Variants in PCDHAC2 observed in about 807,000 individuals in gnomAD.
The protein encoded by PCDHAC2 is protocadherin alpha-C2.
Under a neutral mutation model 63.3 loss-of-function variants are expected in PCDHAC2, and 24 were observed. The observed-to-expected ratio is 0.38, with a 90% CI of 0.27 to 0.53. The LOEUF (loss-of-function observed/expected upper bound fraction) is 0.53. Among genes scored for constraint, PCDHAC2 ranks in the 20% least tolerant of loss-of-function variants. The pLI is 0.81. For synonymous variants in PCDHAC2, 569 were observed against 529.4 expected (o/e 1.07, Z -1.03); for missense variants, 1,181 against 1,275.2 (o/e 0.93, Z 1.12).
At chr5:140,972,132 A>C (rs1412850121) in intron 1 of PCDHAC2, among the ~76,000 whole-genome samples, 9 of 152,062 alleles carry the variant, frequency 5.9e-5, no homozygotes, top group African/African-American at 2.2e-4. Context: ...TCAGTGAGTT[A>C]CTACTATTTT....
At chr5:140,972,917 C>T (rs1279060017) in intron 1 of PCDHAC2, among the ~76,000 whole-genome samples, 1 of 152,074 alleles carries the variant, frequency 6.6e-6, no homozygotes, top group Non-Finnish European at 1.5e-5. Context: ...CCGCCTTGGC[C>T]TCCCAAAGTG....
intron 1 of PCDHAC2, among the ~76,000 whole-genome samples, chr5:140,974,046 GATA>G (rs1554235775): frequency 6.6e-6 from 1 of 152,184 alleles, no homozygotes; most frequent in African/African-American, 2.4e-5. Context: ...TTATTAATAT[GATA>G]ATATTTGGAG....
chr5:140,999,537 C>G, intron 3 of PCDHAC2, among the ~76,000 whole-genome samples: 1 of 152,266 alleles, frequency 6.6e-6, no homozygotes, highest in Non-Finnish European at 1.5e-5. Context: ...CTGGATATGA[C>G]AGCCAATGAA....
chr5:140,972,733 G>A (rs1037610917), intron 1 of PCDHAC2, among the ~76,000 whole-genome samples: 7 of 147,652 alleles, frequency 4.7e-5, no homozygotes, highest in Non-Finnish European at 7.4e-5. Context: ...GCGTAATCCC[G>A]GCTCACTGCA....
At chr5:140,978,528 C>T (rs903940636) in intron 1 of PCDHAC2, among the ~76,000 whole-genome samples, 1 of 152,192 alleles carries the variant, frequency 6.6e-6, no homozygotes, top group Non-Finnish European at 1.5e-5. Flanking sequence ...GCCAGGCCAG[C>T]AGAACTTGTG....
chr5:140,995,544 A>T (rs2097688289), intron 3 of PCDHAC2, among the ~76,000 whole-genome samples: 1 of 152,234 alleles, frequency 6.6e-6, no homozygotes, highest in African/African-American at 2.4e-5. Context: ...ATAAGGGGCG[A>T]TCACTGTACT....
At chr5:140,979,086 G>A in intron 2 of PCDHAC2, 79 bp downstream of exon 2, 3 of 1,561,050 alleles carry the variant, frequency 1.9e-6, no homozygotes, top group South Asian at 2.4e-5. Flanking sequence ...CCATAGGCCA[G>A]AAGCAGCTGT....
intron 1 of PCDHAC2, among the ~76,000 whole-genome samples, chr5:140,971,300 A>T (rs555201828): frequency 2.0e-5 from 3 of 152,380 alleles, no homozygotes; most frequent in African/African-American, 7.2e-5. Flanking sequence ...ACTTTGGTAC[A>T]CAAACATTTA....
In PCDHAC2 at chr5:140,968,341, C is replaced by T; in HGVS notation, c.1575C>T (p.Asn525=). 1 of 1,614,132 alleles carries T rather than the reference C, an allele frequency of 6.2e-7. No individual in the cohort carries two copies. Among genetic ancestry groups the T allele is most frequent in the Non-Finnish European group, 8.5e-7 (1 of 1,180,030 alleles). The change falls in exon 1 of 4, where the codon AAC becomes AAT. Residue 525 remains asparagine, a synonymous_variant. Transcript: ENST00000289269. The stretch of plus-strand genomic sequence containing the variant: ...CAGTCACCTCCTATGTCTCCATTAA[C>T]AGTGCCAGTGGCAGCCTTTATGCTG... The part of the protein sequence containing the change: ...GLPVTSYVSI[N]SASGSLYAVN...
At position 140,972,813 on chromosome 5, in the gene PCDHAC2, G is replaced by A. The variant is rs559474622; in HGVS notation, c.2565+3482G>A. Reference sequence around the variant, plus strand: ...TGAGTAGCTGAGATTACAGGCACGCGCCACCACGCCTGGCTAATTTTTGTA... The same window carrying A: ...TGAGTAGCTGAGATTACAGGCACGCACCACCACGCCTGGCTAATTTTTGTA... On this transcript the variant is annotated intron_variant, in intron 1 of 3. Transcript: ENST00000289269. Among the ~76,000 whole-genome samples, 11 of 151,984 alleles carry A rather than the reference G, an allele frequency of 7.2e-5. No individual in the cohort carries two copies. In the East Asian group the frequency reaches 1.2e-3, roughly 16 times the overall value.
rs782304408 is a variant in PCDHAC2, at chr5:140,968,909, G to A, written c.2143G>A (p.Val715Met). The A allele has an allele frequency of 4.3e-6, 7 of 1,614,172 alleles. No individual in the cohort carries two copies. The highest frequency in any genetic ancestry group is 5.1e-6 in the Non-Finnish European group (6 of 1,180,040). The change falls in exon 1 of 4, where the codon GTG (valine) becomes ATG (methionine). Residue 715 changes from valine to methionine, a missense_variant. By Grantham distance (21) the Val-to-Met change is conservative. Transcript: ENST00000289269. ...TTATCTAATAATAGCATTAAGCACA[G>A]TGTCTTTTATATTTCTTTTGACAAT... ...TLYLIIALSTVSFIFLLTIII... is the reference protein window; with the variant it reads ...TLYLIIALSTMSFIFLLTIII...
chr5:140,973,782 C>T lies in PCDHAC2; in HGVS notation c.2565+4451C>T, dbSNP rs533593200. ...CACAGCCTGGCATATTATAGGTTGCCTATTGGCATGCTGTCTACTTGACAG... is the reference window on the plus strand; with the variant it reads ...CACAGCCTGGCATATTATAGGTTGCTTATTGGCATGCTGTCTACTTGACAG... On this transcript the variant is annotated intron_variant, in intron 1 of 3. Transcript: ENST00000289269. 1.5e-3 allele frequency among the ~76,000 whole-genome samples: 225 copies of T among 152,326 alleles called. 1 individual carries two copies. Among genetic ancestry groups the T allele is most frequent in the African/African-American group, 5.2e-3 (216 of 41,582 alleles).
chr5:140,999,797 T>C (rs2097876830), intron 3 of PCDHAC2, among the ~76,000 whole-genome samples: 1 of 152,202 alleles, frequency 6.6e-6, no homozygotes, highest in African/African-American at 2.4e-5. Context: ...CAGAGTTATT[T>C]TGGGCACAAA....
intron 3 of PCDHAC2, among the ~76,000 whole-genome samples, chr5:141,000,371 C>G (rs868969531): frequency 6.1e-5 from 3 of 49,260 alleles, no homozygotes; most frequent in Admixed American, 2.7e-4. Flanking sequence ...GTCTCTCTCT[C>G]TCTCTCTCTC....
At position 140,966,586 on chromosome 5, in the gene PCDHAC2, T is replaced by C. The variant is rs1339521044; in HGVS notation, c.-181T>C. On this transcript the variant is annotated 5_prime_UTR_variant, in exon 1 of 4. Transcript: ENST00000289269. Reference sequence around the variant, plus strand: ...GAATATGGGGAGTCAGCGAGGACGGTGGGGCCAGGAGCCCTTGGGAGGGCC... The same window carrying C: ...GAATATGGGGAGTCAGCGAGGACGGCGGGGCCAGGAGCCCTTGGGAGGGCC... 5.5e-6 allele frequency: 3 copies of C among 548,910 alleles called. No individual in the cohort carries two copies. Among genetic ancestry groups the C allele is most frequent in the Non-Finnish European group, 8.8e-6 (3 of 342,606 alleles). 34.0% of individuals were successfully genotyped at this position (548,910 alleles called of 1,614,324 possible). A position where few individuals can be genotyped will look rare whatever the true frequency, so the allele number is the denominator to read the frequency against.
chr5:140,991,152 C>A (rs533894396), intron 3 of PCDHAC2, among the ~76,000 whole-genome samples: 29 of 152,168 alleles, frequency 1.9e-4, no homozygotes, highest in Non-Finnish European at 3.2e-4. Flanking sequence ...TTTTGCTCAC[C>A]ATTGTATTCC....
chr5:141,005,701 CA>C (rs59860837), intron 3 of PCDHAC2, among the ~76,000 whole-genome samples: 201 of 7,776 alleles, frequency 0.026, no homozygotes, highest in African/African-American at 0.052. Flanking sequence ...AACTCCGTCT[CA>C]AAAAAAAAAA....
intron 1 of PCDHAC2, among the ~76,000 whole-genome samples, chr5:140,969,915 GC>G (rs1181399848): frequency 2.0e-5 from 3 of 152,192 alleles, no homozygotes; most frequent in African/African-American, 7.2e-5. Flanking sequence ...AAGTGATAAA[GC>G]TGTAGTATTT....
At chr5:141,005,944 C>T (rs1563696119) in intron 3 of PCDHAC2, among the ~76,000 whole-genome samples, 1 of 151,862 alleles carries the variant, frequency 6.6e-6, no homozygotes, top group African/African-American at 2.4e-5. Context: ...GAGAACCTAT[C>T]TCTAACAAAC....
Sources: allele counts gnomAD v4.1 joint callset (sites outside exome capture counted in the v4.1 genomes callset), GRCh38; gene constraint gnomAD v4.1.1; transcripts MANE v1.5; gene names NCBI Gene and HGNC (gene_info 2026-07-23, HGNC 2026-07-21).